S1PR3: variants seen among roughly 807,000 people sequenced by gnomAD.
S1PR3 encodes sphingosine 1-phosphate receptor 3.
A neutral mutation model predicts 13.3 loss-of-function variants in S1PR3; 12 were observed. The observed-to-expected ratio is 0.90, with a 90% confidence interval of 0.58 to 1.46. The LOEUF (loss-of-function observed/expected upper bound fraction) is 1.46. S1PR3 is among the 40% of genes most tolerant of loss of function. The probability of loss-of-function intolerance (pLI) is 0.00; values close to 1 mark genes in which losing one functional copy is unlikely to be tolerated. For missense variants in S1PR3, 450 were observed against 501.9 expected (o/e 0.90, Z 0.99); for synonymous variants, 232 against 214.0 (o/e 1.08, Z -0.73).
rs1825863428 is a variant in S1PR3 at position 89,001,291 on chromosome 9, A to G, written c.91A>G (p.Arg31Gly). 3.1e-6 allele frequency: 5 copies of G among 1,614,202 alleles called. No individual in the cohort carries two copies. Among genetic ancestry groups the G allele is most frequent in the Non-Finnish European group, 4.2e-6 (5 of 1,180,044 alleles). ...HYQYVGKLAG[R>G]LKEASEGSTL... The stretch of plus-strand genomic sequence containing the variant: ...CCAGTACGTGGGGAAGTTGGCGGGC[A>G]GGCTGAAGGAGGCCTCCGAGGGCAG... The change falls in exon 2 of 2, where the codon AGG becomes GGG. Residue 31 changes from arginine to glycine, a missense_variant. Transcript: ENST00000358157.
chr9:88,991,105 C>G (rs764828613), upstream of S1PR3: 4 of 1,612,968 alleles, frequency 2.5e-6, no homozygotes, highest in Admixed American at 1.7e-5. The surrounding 1 kb of genome is among the most constrained non-coding windows in gnomAD (Gnocchi z 4.0). Context: ...GCCCAGACCT[C>G]GGACCTGGTT....
chr9:89,001,413 C>A lies in S1PR3; in HGVS notation c.213C>A (p.His71Gln). Reference protein sequence around the residue: ...LIAIWKNNKFHNRMYFFIGNL... With the variant: ...LIAIWKNNKFQNRMYFFIGNL... ...CCATCTGGAAAAACAATAAATTTCA[C>A]AACCGCATGTACTTTTTCATTGGCA... Residue 71 changes from histidine to glutamine, a missense_variant, in exon 2 of 2, where the codon CAC becomes CAA. By Grantham distance (24) the His-to-Gln change is conservative (BLOSUM62 0). Transcript: ENST00000358157. 6.2e-7 allele frequency: 1 copy of A among 1,614,246 alleles called. No individual in the cohort carries two copies.
rs374689242 is a variant in S1PR3, at chr9:89,002,366, G to A, written c.*29G>A. ...TCTCCATGCGCCCTGCTCTGCGGCT[G>A]TGTTCTTATTTATTGCATGCGTCGC... On this transcript the variant is annotated 3_prime_UTR_variant, in exon 2 of 2. Transcript: ENST00000358157. 1 of 1,605,884 alleles carries A rather than the reference G, an allele frequency of 6.2e-7. No homozygotes were observed. Among genetic ancestry groups the A allele is most frequent in the Non-Finnish European group, 8.5e-7 (1 of 1,174,764 alleles).
chr9:88,997,376 C>T (rs771331095), intron 1 of S1PR3: 8 of 152,174 alleles, frequency 5.3e-5, no homozygotes, highest in Admixed American at 4.6e-4. Context: ...TATTCACCCT[C>T]TTCTCTCCAT....
At chr9:88,999,640 C>G (rs139864908) in intron 1 of S1PR3, 1 of 152,222 alleles carries the variant, frequency 6.6e-6, no homozygotes, top group Non-Finnish European at 1.5e-5. Flanking sequence ...AAAAAATTCA[C>G]TGGATACACA....
In S1PR3 at chr9:89,003,283, A is replaced by G. The variant is rs1289053689; in HGVS notation, c.*946A>G. 6.0e-6 allele frequency: 1 copy of G among 167,160 alleles called. No homozygotes were observed. Among genetic ancestry groups the G allele is most frequent in the African/African-American group, 2.4e-5 (1 of 41,474 alleles). 10.4% of individuals were successfully genotyped at this position (167,160 alleles called of 1,614,324 possible). ...GGAAATGAGCAGAGATTCACAAGAC[A>G]GCACTTTGATTCTATGTTGAGTTTG... On this transcript the variant is annotated 3_prime_UTR_variant, in exon 2 of 2. Transcript: ENST00000358157.
Position 88,991,646 on chromosome 9 carries a change from C to G in S1PR3, c.-197C>G, listed in dbSNP as rs747317439. The G allele has an allele frequency of 1.3e-6, 2 of 1,521,110 alleles. No homozygotes were observed. Among genetic ancestry groups the G allele is most frequent in the South Asian group, 2.5e-5 (2 of 80,332 alleles). The allele number at this position is 1,521,110 out of a possible 1,614,324, so 94.2% of individuals were successfully genotyped here. A position where few individuals can be genotyped will look rare whatever the true frequency, so the allele number is the denominator to read the frequency against. On this transcript the variant is annotated 5_prime_UTR_variant, in exon 1 of 2. Transcript: ENST00000358157. This position sits in a 1 kb window ranked among gnomAD's most constrained non-coding sequence, Gnocchi z 4.0. ...AGGACCGGGCGCCCCGGCACCGCCG[C>G]GCGCCACCCGCTAGGATGCCGGTGG...
Position 88,991,927 on chromosome 9 carries a change from G to C in S1PR3, c.-148+232G>C. 1 of 1,614,212 alleles carries C rather than the reference G, an allele frequency of 6.2e-7. No individual in the cohort carries two copies. Among genetic ancestry groups the C allele is most frequent in the Non-Finnish European group, 8.5e-7 (1 of 1,180,044 alleles). On this transcript the variant is annotated intron_variant, in intron 1 of 1. Coordinates refer to ENST00000358157, the MANE Select transcript of S1PR3 (RefSeq NM_005226.4). This position sits in a 1 kb window ranked among gnomAD's most constrained non-coding sequence, Gnocchi z 4.0. ...TACAACGGGCTGGAGCTGAATACCT[G>C]GATGAAAGTGGAGAGGCTGTTCGTG...
chr9:88,996,212 G>C (rs1258471204), intron 1 of S1PR3: 1 of 152,226 alleles, frequency 6.6e-6, no homozygotes, highest in Non-Finnish European at 1.5e-5. Flanking sequence ...AGATGGGCTG[G>C]CTGGGGTCTG....
Position 89,002,447 on chromosome 9 carries a change from A to G in S1PR3, c.*110A>G, listed in dbSNP as rs1399049373. 8 of 1,308,968 alleles carry G rather than the reference A, an allele frequency of 6.1e-6. No individual in the cohort carries two copies. The highest frequency in any genetic ancestry group is 8.4e-6 in the Non-Finnish European group (8 of 948,808). The allele number at this position is 1,308,968 out of a possible 1,614,324, so 81.1% of individuals were successfully genotyped here. A position where few individuals can be genotyped will look rare whatever the true frequency, so the allele number is the denominator to read the frequency against. On this transcript the variant is annotated 3_prime_UTR_variant, in exon 2 of 2. Coordinates refer to ENST00000358157, the MANE Select transcript of S1PR3 (RefSeq NM_005226.4). Reference sequence around the variant, plus strand: ...CGGGAGAGCTACCTTACTTTGACCAACAGCCTGCCCAGTGTGGATGTCTCT... The same window carrying G: ...CGGGAGAGCTACCTTACTTTGACCAGCAGCCTGCCCAGTGTGGATGTCTCT...
At chr9:88,990,872 A>G, upstream of S1PR3, 1 of 1,175,078 alleles carries the variant, frequency 8.5e-7, no homozygotes, top group South Asian at 1.5e-5. Flanking sequence ...TAGAGCGCGG[A>G]GAGGGACCAG....
At chr9:89,000,021 TAA>T (rs1825848871) in intron 1 of S1PR3, 1 of 151,702 alleles carries the variant, frequency 6.6e-6, no homozygotes, top group Non-Finnish European at 1.5e-5. Context: ...TTTTTTTTAA[TAA>T]AAATAAAAAA....
At position 88,991,472 on chromosome 9, in the gene S1PR3, G is replaced by C. The variant is rs1825700318; in HGVS notation, c.-371G>C. 1 of 1,547,390 alleles carries C rather than the reference G, an allele frequency of 6.5e-7. No individual in the cohort carries two copies. The highest frequency in any genetic ancestry group is 8.7e-7 in the Non-Finnish European group (1 of 1,145,842). ...TAGTCTCTGACTCGCTCGGGCAGAG[G>C]CCGAGGAAGCCGGTTCCGGGGACGG... is the stretch of plus-strand genomic sequence containing the variant. On this transcript the variant is annotated 5_prime_UTR_variant, in exon 1 of 2. Coordinates refer to ENST00000358157, the MANE Select transcript of S1PR3 (RefSeq NM_005226.4). This position sits in a 1 kb window ranked among gnomAD's most constrained non-coding sequence, Gnocchi z 4.0.
Position 89,002,300 on chromosome 9 carries a change from A to T in S1PR3, c.1100A>T (p.Lys367Met). ...HTAPSSCIMD[K>M]NAALQNGIFC... ...GCCCCCTCATCCTGCATCATGGACAAGAACGCAGCACTTCAGAATGGGATC... is the reference window on the plus strand; with the variant it reads ...GCCCCCTCATCCTGCATCATGGACATGAACGCAGCACTTCAGAATGGGATC... The change falls in exon 2 of 2, where the codon AAG (lysine) becomes ATG (methionine). Residue 367 changes from lysine to methionine, a missense_variant. Physicochemically the swap from Lys to Met is moderately conservative, Grantham distance 95 (BLOSUM62 -1). Coordinates refer to ENST00000358157, the MANE Select transcript of S1PR3 (RefSeq NM_005226.4). The T allele has an allele frequency of 6.2e-7, 1 of 1,614,130 alleles. No homozygotes were observed. The highest frequency in any genetic ancestry group is 1.1e-5 in the South Asian group (1 of 91,082).
chr9:89,002,848 TG>T lies in S1PR3; in HGVS notation c.*512del, dbSNP rs1198169645. The T allele has an allele frequency of 5.6e-6, 1 of 179,054 alleles. No individual in the cohort carries two copies. The highest frequency in any genetic ancestry group is 2.4e-5 in the African/African-American group (1 of 41,816). 11.1% of individuals were successfully genotyped at this position (179,054 alleles called of 1,614,324 possible). ...ACAGGTTATACAAGTGGATTCAGAC[TG>T]AACCCCCAGTACAAGGACATTGTTT... On this transcript the variant is annotated 3_prime_UTR_variant, in exon 2 of 2. Transcript: ENST00000358157.
At chr9:88,992,252 T>C in intron 1 of S1PR3, 1 of 546,818 alleles carries the variant, frequency 1.8e-6, no homozygotes, top group South Asian at 2.2e-5. Flanking sequence ...CTTTGGGCTT[T>C]TTGAGTCTCC....
chr9:89,001,011 A>G, intron 1 of S1PR3, 43 bp from the exon 2 acceptor site: 1 of 640,956 alleles, frequency 1.6e-6, no homozygotes, highest in Non-Finnish European at 2.6e-6. Flanking sequence ...TTAGGCGGCG[A>G]TCGTTTTATC....
At position 89,002,211 on chromosome 9, in the gene S1PR3, T is replaced by C; in HGVS notation, c.1011T>C (p.Ser337=). The C allele has an allele frequency of 6.2e-7, 1 of 1,613,828 alleles. No individual in the cohort carries two copies. Among genetic ancestry groups the C allele is most frequent in the South Asian group, 1.1e-5 (1 of 91,072 alleles). The stretch of plus-strand genomic sequence containing the variant: ...AGCCTGCGCTCGACCCAAGCAGAAG[T>C]AAATCAAGCAGCAGCAACAATAGCA... ...PIQPALDPSR[S]KSSSSNNSSH... Residue 337 remains serine, a synonymous_variant, in exon 2 of 2, where the codon AGT becomes AGC. Coordinates refer to ENST00000358157, the MANE Select transcript of S1PR3 (RefSeq NM_005226.4).
intron 1 of S1PR3, chr9:88,998,961 C>T (rs1346794011): frequency 6.6e-6 from 1 of 152,418 alleles, no homozygotes; most frequent in African/African-American, 2.4e-5. Flanking sequence ...AGGAGGCAGG[C>T]CCCGGGCCCT....
Sources: allele counts gnomAD v4.1 joint callset, GRCh38; gene constraint gnomAD v4.1.1; non-coding constraint Gnocchi (gnomAD v3.1); transcripts MANE v1.5; gene names NCBI Gene and HGNC (gene_info 2026-07-23, HGNC 2026-07-21).